Variants in MTMR3 observed in about 807,000 individuals in gnomAD.
MTMR3 encodes phosphatidylinositol-3,5-bisphosphate 3-phosphatase MTMR3.
MTMR3 carries 32 observed loss-of-function variants against 132.4 expected under a neutral mutation model. That is an observed-to-expected ratio of 0.24 (90% CI 0.18 to 0.32). The LOEUF (loss-of-function observed/expected upper bound fraction) is 0.32, where lower values mean the gene tolerates loss of function less well. MTMR3 is among the 10% of genes least tolerant of loss of function. The pLI is 1.00. For synonymous variants in MTMR3, 556 were observed against 550.3 expected (o/e 1.01, Z -0.14); for missense variants, 1,216 against 1,489.6 (o/e 0.82, Z 3.02).
rs1200162086 is a variant in MTMR3 at position 29,949,188 on chromosome 22, T to C, written c.-137-7848T>C. On this transcript the variant is annotated intron_variant, in intron 1 of 19. Coordinates refer to ENST00000401950, the MANE Select transcript of MTMR3 (RefSeq NM_021090.4). ...GGCCCTGTCTTAAAACACACACACA[T>C]GCGTGCGCGTGCACGCGCGCCAGGC... 5.3e-5 allele frequency among the ~76,000 whole-genome samples: 6 copies of C among 112,966 alleles called. 1 individual carries two copies. The highest frequency in any genetic ancestry group is 0.016 in the Middle Eastern group (2 of 124). The allele number at this position is 112,966 out of a possible 152,430, so 74.1% of individuals were successfully genotyped here.
intron 2 of MTMR3, among the ~76,000 whole-genome samples, chr22:29,964,910 CTCT>C (rs1027053210): frequency 6.6e-6 from 1 of 152,186 alleles, no homozygotes; most frequent in African/African-American, 2.4e-5. Flanking sequence ...AGTTGTGCCA[CTCT>C]TCTTTCTGAT....
chr22:29,958,720 ATTAG>A (rs986933178), intron 2 of MTMR3, among the ~76,000 whole-genome samples: 3 of 152,156 alleles, frequency 2.0e-5, no homozygotes, highest in Admixed American at 6.5e-5. Flanking sequence ...CTCTTGTCTT[ATTAG>A]TTATATTTGT....
Position 29,991,528 on chromosome 22 carries a change from G to A in MTMR3, c.318G>A (p.Gln106=). ...GGTGTCAGTTTTCAACCTTTGAGCA[G>A]TGTCAAGAGTGGCTGAAGAGACTGA... ...VIRCQFSTFE[Q]CQEWLKRLNN... is the part of the protein sequence containing the mutation. The change falls in exon 7 of 20, where the codon CAG becomes CAA. Residue 106 remains glutamine (Q), a synonymous_variant. Coordinates refer to ENST00000401950, the MANE Select transcript of MTMR3 (RefSeq NM_021090.4). 6.2e-7 allele frequency: 1 copy of A among 1,613,592 alleles called. No individual in the cohort carries two copies. The highest frequency in any genetic ancestry group is 8.5e-7 in the Non-Finnish European group (1 of 1,179,818).
chr22:29,954,369 C>G (rs1470305460), intron 1 of MTMR3, among the ~76,000 whole-genome samples: 1 of 152,238 alleles, frequency 6.6e-6, no homozygotes, highest in East Asian at 1.9e-4. Flanking sequence ...AGATTATAGG[C>G]ATGAGCCACC....
intron 1 of MTMR3, among the ~76,000 whole-genome samples, chr22:29,928,167 T>C (rs1351187347): frequency 7.9e-6 from 1 of 126,172 alleles, no homozygotes; most frequent in South Asian, 2.6e-4. Flanking sequence ...TACATTTTTT[T>C]TTTCTTTTTT....
chr22:29,891,711 G>A (rs1317664657), intron 1 of MTMR3, among the ~76,000 whole-genome samples: 1 of 152,064 alleles, frequency 6.6e-6, no homozygotes, highest in African/African-American at 2.4e-5. Flanking sequence ...GGTATTACAG[G>A]TGTGAGCCAC....
chr22:29,991,385 G>A, intron 6 of MTMR3, 119 bp from the exon 7 acceptor site: 1 of 946,762 alleles, frequency 1.1e-6, no homozygotes, highest in Non-Finnish European at 1.5e-6. Flanking sequence ...TGCCTCAGAT[G>A]CTTTCTTGGT....
At chr22:29,969,783 G>A (rs1366738748) in intron 2 of MTMR3, among the ~76,000 whole-genome samples, 2 of 152,106 alleles carry the variant, frequency 1.3e-5, no homozygotes, top group African/African-American at 4.8e-5. Context: ...GCCTGCCTTG[G>A]CCTCCCAGAA....
At chr22:29,928,775 A>G (rs892840851) in intron 1 of MTMR3, among the ~76,000 whole-genome samples, 6 of 151,832 alleles carry the variant, frequency 4.0e-5, no homozygotes, top group Non-Finnish European at 7.4e-5. Flanking sequence ...TTGGCCACCC[A>G]AAGTGCTAGG....
chr22:29,950,285 G>A (rs970413479), intron 1 of MTMR3, among the ~76,000 whole-genome samples: 22 of 152,078 alleles, frequency 1.4e-4, no homozygotes, highest in Admixed American at 1.3e-3. Flanking sequence ...TCAGATTTAA[G>A]TATGTCTTTT....
At chr22:30,021,037 C>T (rs1325122549) in intron 17 of MTMR3, 153 bp downstream of exon 17, 1 of 763,832 alleles carries the variant, frequency 1.3e-6, no homozygotes, top group Non-Finnish European at 2.1e-6. Flanking sequence ...GGAGATGAGC[C>T]TCCACGACAG....
intron 2 of MTMR3, among the ~76,000 whole-genome samples, chr22:29,968,029 T>C (rs1171151543): frequency 1.3e-5 from 2 of 152,090 alleles, no homozygotes; most frequent in African/African-American, 4.8e-5. Context: ...CTTTTGGCCA[T>C]CATGAATAAT....
intron 1 of MTMR3, among the ~76,000 whole-genome samples, chr22:29,933,729 C>T (rs1555899732): frequency 1.4e-5 from 2 of 139,862 alleles, no homozygotes; most frequent in South Asian, 2.2e-4. Context: ...CAGAGCAGTT[C>T]TGTGTTTTTT....
chr22:29,906,881 C>T (rs2065114360), intron 1 of MTMR3, among the ~76,000 whole-genome samples: 1 of 151,784 alleles, frequency 6.6e-6, no homozygotes, highest in African/African-American at 2.4e-5. Flanking sequence ...AGTTCGAGAC[C>T]AGCCTGGCCA....
chr22:30,008,089 C>T, intron 11 of MTMR3, 57 bp downstream of exon 11: 1 of 1,582,502 alleles, frequency 6.3e-7, no homozygotes, highest in Non-Finnish European at 8.6e-7. Flanking sequence ...TAGCCCTTGC[C>T]CAACTGAGAC....
intron 5 of MTMR3, chr22:29,988,250 T>C (rs1432709196): frequency 3.2e-6 from 1 of 312,914 alleles, no homozygotes; most frequent in Admixed American, 4.5e-5. Flanking sequence ...GCCACCTCTT[T>C]GTTGCCTTCA....
chr22:29,975,085 T>C (rs1487500880), intron 3 of MTMR3, among the ~76,000 whole-genome samples: 2 of 152,194 alleles, frequency 1.3e-5, no homozygotes, highest in African/African-American at 4.8e-5. Flanking sequence ...AGGAAAAGCC[T>C]GGCTTTTGGA....
rs149427844 is a variant in MTMR3, at chr22:30,008,965, T to C, written c.1010-53T>C. ...GCCAGTTTGCTTTTAAATTTGGCCATGTGGGCTTTAAGTTCAACGTATTTG... is the reference window on the plus strand; with the variant it reads ...GCCAGTTTGCTTTTAAATTTGGCCACGTGGGCTTTAAGTTCAACGTATTTG... On this transcript the variant is annotated intron_variant, in intron 11 of 19. Coordinates refer to ENST00000401950, the MANE Select transcript of MTMR3 (RefSeq NM_021090.4). 5.4e-5 allele frequency: 69 copies of C among 1,281,882 alleles called. No homozygotes were observed. The African/African-American group carries it at 6.6e-4, about 12-fold the overall frequency. 79.4% of individuals were successfully genotyped at this position (1,281,882 alleles called of 1,614,324 possible).
chr22:30,004,801 C>T (rs1057371070), intron 9 of MTMR3: 2 of 152,212 alleles, frequency 1.3e-5, no homozygotes, highest in African/African-American at 4.8e-5. Flanking sequence ...TCTGCTTTGC[C>T]AGCCTAGGTG....
Sources: allele counts gnomAD v4.1 joint callset (sites outside exome capture counted in the v4.1 genomes callset), GRCh38; gene constraint gnomAD v4.1.1; transcripts MANE v1.5; gene names NCBI Gene and HGNC (gene_info 2026-07-23, HGNC 2026-07-21).